DSG4: variants seen among roughly 807,000 people sequenced by gnomAD.
The protein encoded by DSG4 is desmoglein-4.
DSG4 carries 87 observed loss-of-function variants against 93.1 expected under a neutral mutation model. The observed-to-expected ratio is 0.93, with a 90% confidence interval of 0.79 to 1.12. The LOEUF (loss-of-function observed/expected upper bound fraction) is 1.12. Among genes scored for constraint, DSG4 ranks in the 50% most tolerant of loss-of-function variants. The pLI is 0.00. For synonymous variants in DSG4, 432 were observed against 452.9 expected (o/e 0.95, Z 0.59); for missense variants, 1,373 against 1,285.7 (o/e 1.07, Z -1.04).
rs1235291417 is a variant in DSG4, at chr18:31,413,485, C to A, written c.3013C>A (p.Gln1005Lys). 1.9e-6 allele frequency: 3 copies of A among 1,612,120 alleles called. No individual in the cohort carries two copies. The South Asian group carries it at 3.3e-5, about 18-fold the overall frequency. Residue 1005 changes from glutamine to lysine, a missense_variant, in exon 16 of 16, where the codon CAA becomes AAA. Transcript: ENST00000308128. ...ILVGPEIQVM[Q>K]MMSPDLPIGQ... ...AGTAGGGCCAGAAATTCAAGTGATG[C>A]AAATGATGAGTCCAGACCTTCCCAT...
At chr18:31,403,305 C>T (rs2072388723) in intron 10 of DSG4, 111 bp from the exon 11 acceptor site, 1 of 932,362 alleles carries the variant, frequency 1.1e-6, no homozygotes, top group African/African-American at 1.6e-5. Flanking sequence ...GTCAAGCCTC[C>T]CAAGTCACGT....
Position 31,409,487 on chromosome 18 carries a change from C to A in DSG4, c.1969C>A (p.Gln657Lys). 1 of 1,614,156 alleles carries A rather than the reference C, an allele frequency of 6.2e-7. No individual in the cohort carries two copies. The highest frequency in any genetic ancestry group is 8.5e-7 in the Non-Finnish European group (1 of 1,180,036). The change falls in exon 13 of 16, where the codon CAG (glutamine) becomes AAG (lysine). Residue 657 changes from glutamine (Q) to lysine (K), a missense_variant. Gln to Lys is a moderately conservative substitution (Grantham distance 53). Coordinates refer to ENST00000308128, the MANE Select transcript of DSG4 (RefSeq NM_177986.5). Reference sequence around the variant, plus strand: ...CTTGCTGCTCCTGTGTTGCTGCAAACAGAGACAGCCAGAAGGCCTGGGAAC... The same window carrying A: ...CTTGCTGCTCCTGTGTTGCTGCAAAAAGAGACAGCCAGAAGGCCTGGGAAC... The part of the protein sequence containing the change: ...PLLLLLCCCK[Q>K]RQPEGLGTRF...
intron 10 of DSG4, among the ~76,000 whole-genome samples, chr18:31,402,108 T>C (rs141299426): frequency 1.5e-4 from 23 of 152,186 alleles, no homozygotes; most frequent in Non-Finnish European, 2.9e-4. Flanking sequence ...AAATAATTAG[T>C]CATTCCAAGC....
chr18:31,385,214 A>G (rs1355195246), intron 2 of DSG4, 43 bp downstream of exon 2: 1 of 1,401,750 alleles, frequency 7.1e-7, no homozygotes, highest in African/African-American at 1.5e-5. Flanking sequence ...AAATTAAAAC[A>G]AAAACTGAAT....
chr18:31,385,627 C>A (rs1330125467), intron 2 of DSG4, among the ~76,000 whole-genome samples: 1 of 152,082 alleles, frequency 6.6e-6, no homozygotes, highest in African/African-American at 2.4e-5. Context: ...GAGCTGCTGT[C>A]CTCTATCTCT....
chr18:31,390,847 G>T (rs117369366), intron 6 of DSG4, 25 bp downstream of exon 6: 7 of 1,608,468 alleles, frequency 4.4e-6, no homozygotes, highest in Non-Finnish European at 5.9e-6. Flanking sequence ...GAATGAACAA[G>T]AACTAAAAAA....
Position 31,403,655 on chromosome 18 carries a change from T to C in DSG4, c.1636+21T>C, listed in dbSNP as rs572871701. The stretch of plus-strand genomic sequence containing the variant: ...AAATGGTAAGTGAAACGTAAGCTTG[T>C]TTTTTGGACTTTAAGTCCAAAAGCA... On this transcript the variant is annotated intron_variant, in intron 11 of 15. Coordinates refer to ENST00000308128, the MANE Select transcript of DSG4 (RefSeq NM_177986.5). 3.0e-4 allele frequency: 483 copies of C among 1,611,922 alleles called. 5 individuals are homozygous for C. The South Asian group carries it at 4.9e-3, about 16-fold the overall frequency.
intron 8 of DSG4, among the ~76,000 whole-genome samples, chr18:31,392,927 G>C (rs1344745332): frequency 6.6e-6 from 1 of 152,186 alleles, no homozygotes; most frequent in African/African-American, 2.4e-5. Context: ...TCAGATCAGA[G>C]AAGTGAAGCT....
At chr18:31,412,539 C>T (rs143428923) in intron 15 of DSG4, among the ~76,000 whole-genome samples, 13 of 152,282 alleles carry the variant, frequency 8.5e-5, no homozygotes, top group African/African-American at 2.9e-4. Flanking sequence ...ATATTTCAGT[C>T]GGCCTGCTTT....
intron 9 of DSG4, 38 bp from the exon 10 acceptor site, chr18:31,400,843 A>C: frequency 6.2e-7 from 1 of 1,606,750 alleles, no homozygotes; most frequent in Non-Finnish European, 8.5e-7. Context: ...ACTAACTTTC[A>C]TAAAAGCATG....
At chr18:31,397,263 A>C (rs1261195407) in intron 8 of DSG4, among the ~76,000 whole-genome samples, 1 of 151,980 alleles carries the variant, frequency 6.6e-6, no homozygotes, top group East Asian at 1.9e-4. Context: ...CCAGAGCCTC[A>C]CTCCTGGTCA....
At chr18:31,391,643 G>A (rs757091043) in intron 7 of DSG4, among the ~76,000 whole-genome samples, 73 of 151,532 alleles carry the variant, frequency 4.8e-4, no homozygotes, top group Non-Finnish European at 6.5e-4. Flanking sequence ...GCCAAATCTG[G>A]CTTGCTGTCT....
chr18:31,394,689 A>C (rs1194054292), intron 8 of DSG4, among the ~76,000 whole-genome samples: 1 of 152,170 alleles, frequency 6.6e-6, no homozygotes, highest in Admixed American at 6.5e-5. Context: ...GGAAAAAAAA[A>C]AAAAAAGGAA....
In DSG4 at chr18:31,386,696, A is replaced by C; in HGVS notation, c.93A>C (p.Glu31Asp). 1.9e-6 allele frequency: 3 copies of C among 1,613,208 alleles called. No individual in the cohort carries two copies. Among genetic ancestry groups the C allele is most frequent in the Non-Finnish European group, 2.5e-6 (3 of 1,179,282 alleles). ...AACCATTTTTGCTTAAGGTGAAGGA[A>C]TTTGACATTGAAAATGGCACTACAA... ...VNSEFIVEVK[E>D]FDIENGTTKW... The change falls in exon 3 of 16, where the codon GAA becomes GAC. Residue 31 changes from glutamate to aspartate, a missense_variant. Physicochemically the swap from Glu to Asp is conservative, Grantham distance 45. Coordinates refer to ENST00000308128, the MANE Select transcript of DSG4 (RefSeq NM_177986.5).
chr18:31,386,588 T>G, intron 2 of DSG4, 100 bp from the exon 3 acceptor site: 4 of 1,532,744 alleles, frequency 2.6e-6, no homozygotes, highest in Non-Finnish European at 3.6e-6. Flanking sequence ...AAATTCAATA[T>G]CACTGTTTCT....
rs2072344237 is a variant in DSG4 at position 31,399,639 on chromosome 18, C to CT, written c.1277+102dup. ...TGTTGGTTGTAATACTTTTGGAGGG[C>CT]TTTTTTGCTTTTATTATTCCTTTGA... On this transcript the variant is annotated intron_variant, in intron 9 of 15. Transcript: ENST00000308128. 5 of 1,493,146 alleles carry CT rather than the reference C, an allele frequency of 3.3e-6. No individual in the cohort carries two copies. In the African/African-American group the frequency reaches 5.5e-5, roughly 17 times the overall value. The allele number at this position is 1,493,146 out of a possible 1,614,324, so 92.5% of individuals were successfully genotyped here.
At chr18:31,378,119 A>G (rs547143985) in intron 1 of DSG4, among the ~76,000 whole-genome samples, 1 of 152,358 alleles carries the variant, frequency 6.6e-6, no homozygotes, top group East Asian at 1.9e-4. Context: ...GAACGTGACA[A>G]CAGTGGTAGA....
intron 11 of DSG4, among the ~76,000 whole-genome samples, chr18:31,404,010 A>G (rs551310430): frequency 1.3e-5 from 2 of 152,340 alleles, no homozygotes; most frequent in South Asian, 4.1e-4. Context: ...GACAAATCAC[A>G]TAAATGTCTC....
chr18:31,398,435 A>G (rs2072328804), intron 8 of DSG4, among the ~76,000 whole-genome samples: 1 of 152,214 alleles, frequency 6.6e-6, no homozygotes, highest in Non-Finnish European at 1.5e-5. Flanking sequence ...AGTTTCCCTG[A>G]GAAGCAGAGA....
Sources: gnomAD v4.1 joint callset for allele counts (sites outside exome capture counted in the v4.1 genomes callset) on GRCh38, gnomAD v4.1.1 for gene constraint, MANE v1.5 for transcripts, NCBI Gene and HGNC (gene_info 2026-07-23, HGNC 2026-07-21) for gene names.